Variants in STX2 observed in about 807,000 individuals in gnomAD.
STX2 encodes the protein syntaxin 2, also known as syntaxin-2.
A neutral mutation model predicts 40.6 loss-of-function variants in STX2; 27 were observed. The ratio of observed to expected loss-of-function variants is 0.66; its 90% CI spans 0.49 to 0.92. The LOEUF is 0.92. Ranked by LOEUF, STX2 falls within the 40% of genes least tolerant of loss-of-function variation. STX2 has a pLI of 0.00. For missense variants in STX2, 328 were observed against 366.1 expected (o/e 0.90, Z 0.85); for synonymous variants, 123 against 119.1 (o/e 1.03, Z -0.22).
At chr12:130,836,886 T>C (rs1952770986) in intron 1 of STX2, among the ~76,000 whole-genome samples, 1 of 152,266 alleles carries the variant, frequency 6.6e-6, no homozygotes, top group Non-Finnish European at 1.5e-5. Context: ...TTGAAGTAGA[T>C]GAGCTGACTT....
At chr12:130,798,302 C>A in intron 9 of STX2, 1 of 366,520 alleles carries the variant, frequency 2.7e-6, no homozygotes, top group Non-Finnish European at 4.7e-6. Flanking sequence ...CCACACCCAG[C>A]CCTAGGGTTT....
At chr12:130,829,863 G>A (rs1269318265) in intron 1 of STX2, among the ~76,000 whole-genome samples, 1 of 152,182 alleles carries the variant, frequency 6.6e-6, no homozygotes, top group Non-Finnish European at 1.5e-5. Flanking sequence ...AGAGCTGAAA[G>A]TGAGCTGCAG....
chr12:130,800,138 T>A (rs190590904), intron 8 of STX2, among the ~76,000 whole-genome samples: 293 of 151,964 alleles, frequency 1.9e-3, no homozygotes, highest in Non-Finnish European at 3.7e-3. Context: ...AGCAACAGAG[T>A]CTTATCTCCA....
rs5801936 is a variant in STX2 at position 130,814,627 on chromosome 12, C to CT, written c.206-1597dup. Among the ~76,000 whole-genome samples the CT allele has an allele frequency of 1.7e-3, 85 of 49,226 alleles. 3 individuals are homozygous for CT. Among genetic ancestry groups the CT allele is most frequent in the African/African-American group, 4.5e-3 (54 of 12,086 alleles). 32.3% of individuals were successfully genotyped at this position (49,226 alleles called of 152,430 possible). On this transcript the variant is annotated intron_variant, in intron 3 of 10. Coordinates refer to ENST00000392373, the MANE Select transcript of STX2 (RefSeq NM_194356.4). ...CATCAGCAAAGATGCATTAGAAAGA[C>CT]TTTTTTTTTTTTTTTTTTTTTTTTT... is the stretch of plus-strand genomic sequence containing the variant.
chr12:130,829,073 A>G (rs1044156260), intron 1 of STX2, among the ~76,000 whole-genome samples: 1 of 152,122 alleles, frequency 6.6e-6, no homozygotes, highest in Non-Finnish European at 1.5e-5. Flanking sequence ...TTATCTGTCA[A>G]TCTTCCTGGT....
At chr12:130,816,639 G>A (rs750814582) in intron 3 of STX2, among the ~76,000 whole-genome samples, 4 of 152,056 alleles carry the variant, frequency 2.6e-5, no homozygotes, top group Non-Finnish European at 4.4e-5. Flanking sequence ...CTAAATCTGT[G>A]TAAAGCCATT....
chr12:130,801,566 C>T (rs1951229320), intron 6 of STX2, 78 bp from the exon 7 acceptor site: 3 of 1,415,432 alleles, frequency 2.1e-6, no homozygotes, highest in Non-Finnish European at 1.9e-6. Context: ...CATAAGTTAG[C>T]AACTACAATC....
chr12:130,806,667 C>T (rs1951446198), intron 6 of STX2, among the ~76,000 whole-genome samples: 1 of 152,140 alleles, frequency 6.6e-6, no homozygotes, highest in Non-Finnish European at 1.5e-5. Context: ...CATGAAGATG[C>T]CCCCGAACCA....
chr12:130,798,241 A>G (rs1321884954), intron 9 of STX2, among the ~76,000 whole-genome samples: 2 of 99,850 alleles, frequency 2.0e-5, no homozygotes, highest in Non-Finnish European at 4.3e-5. Flanking sequence ...CAAGAGCGAA[A>G]CTCCAATTCA....
At position 130,831,560 on chromosome 12, in the gene STX2, G is replaced by GC. The variant is rs375460623; in HGVS notation, c.31-4294dup. On this transcript the variant is annotated intron_variant, in intron 1 of 10. Transcript: ENST00000392373. The stretch of plus-strand genomic sequence containing the variant: ...GCTCACACTTGTGAGGATCCCTTGA[G>GC]CCAGGAGACTGAGGCTGTAGTGAGC... 4.4e-3 allele frequency among the ~76,000 whole-genome samples: 666 copies of GC among 152,178 alleles called. 10 individuals carry two copies. The highest frequency in any genetic ancestry group is 0.015 in the African/African-American group (643 of 41,520).
intron 5 of STX2, among the ~76,000 whole-genome samples, chr12:130,807,846 C>T (rs144599782): frequency 6.6e-6 from 1 of 152,160 alleles, no homozygotes; most frequent in Non-Finnish European, 1.5e-5. Flanking sequence ...AGCTTGGGAA[C>T]TGAGTCATGC....
chr12:130,791,549 T>A lies in STX2; in HGVS notation c.*474A>T. 1 of 162,216 alleles carries A rather than the reference T, an allele frequency of 6.2e-6. No individual in the cohort carries two copies. Among genetic ancestry groups the A allele is most frequent in the Non-Finnish European group, 1.3e-5 (1 of 74,884 alleles). The allele number at this position is 162,216 out of a possible 1,614,324, so 10.0% of individuals were successfully genotyped here. A position where few individuals can be genotyped will look rare whatever the true frequency, so the allele number is the denominator to read the frequency against. ...TCAAAAAAAAAAAAAAAAGCCTTCATAACATAAAGCATTCCTTCCTAATTA... is the reference window on the plus strand; with the variant it reads ...TCAAAAAAAAAAAAAAAAGCCTTCAAAACATAAAGCATTCCTTCCTAATTA... On this transcript the variant is annotated 3_prime_UTR_variant, in exon 11 of 11. Transcript: ENST00000392373.
chr12:130,828,205 A>T (rs1952399157), intron 1 of STX2, among the ~76,000 whole-genome samples: 1 of 152,120 alleles, frequency 6.6e-6, no homozygotes, highest in Non-Finnish European at 1.5e-5. Flanking sequence ...TCTATTAATA[A>T]AATTATTTCT....
chr12:130,807,213 A>G, intron 5 of STX2, 123 bp from the exon 6 acceptor site: 1 of 922,986 alleles, frequency 1.1e-6, no homozygotes, highest in Non-Finnish European at 1.7e-6. Context: ...ATGGAAAATG[A>G]CAATGGCAAA....
chr12:130,813,451 T>C (rs1951734007), intron 3 of STX2, among the ~76,000 whole-genome samples: 1 of 152,178 alleles, frequency 6.6e-6, no homozygotes, highest in Non-Finnish European at 1.5e-5. Flanking sequence ...AAGTCTCCCG[T>C]GTGTGTGCTT....
intron 2 of STX2, among the ~76,000 whole-genome samples, chr12:130,824,534 C>T (rs575023787): frequency 3.3e-5 from 5 of 152,220 alleles, no homozygotes; most frequent in African/African-American, 9.6e-5. Flanking sequence ...AACAGGAGAC[C>T]GCAGGGCTAT....
chr12:130,795,136 GC>G (rs1166145214), intron 10 of STX2, among the ~76,000 whole-genome samples: 1 of 152,240 alleles, frequency 6.6e-6, no homozygotes, highest in East Asian at 1.9e-4. Context: ...TAACAGGCAT[GC>G]TAACTAAATA....
At chr12:130,805,840 AC>A (rs1470604123) in intron 6 of STX2, among the ~76,000 whole-genome samples, 1 of 152,250 alleles carries the variant, frequency 6.6e-6, no homozygotes, top group Non-Finnish European at 1.5e-5. Context: ...CTCGAAACTT[AC>A]CAGGCTCGCA....
At chr12:130,802,360 G>A (rs147948537) in intron 6 of STX2, among the ~76,000 whole-genome samples, 1,881 of 152,242 alleles carry the variant, frequency 0.012, 44 homozygotes, top group African/African-American at 0.043. Context: ...ACCACGCCCG[G>A]CTAATTTTTG....
Sources: gnomAD v4.1 joint callset for allele counts (sites outside exome capture counted in the v4.1 genomes callset) on GRCh38, gnomAD v4.1.1 for gene constraint, MANE v1.5 for transcripts, NCBI Gene and HGNC (gene_info 2026-07-23, HGNC 2026-07-21) for gene names.